The following TC2N variants were observed in gnomAD, a reference collection of about 807,000 sequenced individuals.
TC2N encodes the protein tandem C2 domains nuclear protein.
A neutral mutation model predicts 61.9 loss-of-function variants in TC2N; 51 were observed. The observed-to-expected ratio is 0.82, with a 90% confidence interval of 0.66 to 1.04. TC2N has a LOEUF of 1.04. TC2N is among the 50% of genes least tolerant of loss of function. The pLI, the probability that TC2N is intolerant of heterozygous loss-of-function variation, is 0.00. For synonymous variants in TC2N, 204 were observed against 192.6 expected, an observed-to-expected ratio of 1.06 and a Z score of -0.49; for missense variants, 556 against 566.7, an observed-to-expected ratio of 0.98 and a Z score of 0.19.
intron 1 of TC2N, among the ~76,000 whole-genome samples, chr14:91,865,367 TG>T (rs1296506387): frequency 0.016 from 2,228 of 142,104 alleles, 42 homozygotes; most frequent in African/African-American, 0.056. Context: ...TGGAGCCTCT[TG>T]GTTTTTTTTT....
intron 1 of TC2N, among the ~76,000 whole-genome samples, chr14:91,828,484 C>A (rs1162584437): frequency 6.6e-6 from 1 of 151,886 alleles, no homozygotes; most frequent in South Asian, 2.1e-4. Context: ...TATTATATAT[C>A]TCTTTTTTAA....
chr14:91,781,043 T>A lies in TC2N; in HGVS notation c.*2057A>T, dbSNP rs1353210592. On this transcript the variant is annotated 3_prime_UTR_variant, in exon 12 of 12. Transcript: ENST00000435962. ...TCATAGCTTTCCCTTAAATTATACA[T>A]CATACATACATTGTAAGAATATAGA... 6.6e-6 allele frequency: 1 copy of A among 152,076 alleles called. No individual in the cohort carries two copies. Among genetic ancestry groups the A allele is most frequent in the African/African-American group, 2.4e-5 (1 of 41,430 alleles). The allele number at this position is 152,076 out of a possible 1,614,324, so 9.4% of individuals were successfully genotyped here.
At chr14:91,863,797 G>A (rs773092882) in intron 1 of TC2N, among the ~76,000 whole-genome samples, 1 of 132,462 alleles carries the variant, frequency 7.5e-6, no homozygotes, top group Non-Finnish European at 1.6e-5. Flanking sequence ...ATCAGCCTGG[G>A]CAAAAAAGCG....
intron 2 of TC2N, among the ~76,000 whole-genome samples, chr14:91,812,845 T>C (rs1050570078): frequency 2.0e-5 from 3 of 151,842 alleles, no homozygotes; most frequent in African/African-American, 7.2e-5. Context: ...TAGTCAGTTA[T>C]ATAGTGCTTT....
At chr14:91,858,267 C>T (rs1888524809) in intron 1 of TC2N, among the ~76,000 whole-genome samples, 1 of 149,082 alleles carries the variant, frequency 6.7e-6, no homozygotes, top group Non-Finnish European at 1.5e-5. Flanking sequence ...GCTGAGATTA[C>T]AGGCGTGAGC....
chr14:91,785,237 CT>C lies in TC2N; in HGVS notation c.1286del (p.Gln429ArgfsTer18). ...TGAGAAAAACAATTTCTTTTTCACT[CT>C]GTATAAGTGGAAAAATCATAGTCTC... Reference protein sequence around the residue: ...WGETMIFPLIQSEKEIVFLIK... With the variant: ...WGETMIFPLIXSEKEIVFLIK... On this transcript the variant is annotated frameshift_variant, in exon 11 of 12. Transcript: ENST00000435962. LOFTEE classifies it high-confidence loss of function. 1.9e-6 allele frequency: 3 copies of C among 1,613,146 alleles called. No individual in the cohort carries two copies. Among genetic ancestry groups the C allele is most frequent in the Non-Finnish European group, 2.5e-6 (3 of 1,179,268 alleles).
chr14:91,854,396 TGAG>T (rs1266755945), intron 1 of TC2N, among the ~76,000 whole-genome samples: 50 of 112,192 alleles, frequency 4.5e-4, no homozygotes, highest in East Asian at 3.5e-3. Context: ...ACACATAAGA[TGAG>T]GAGGAGGAGG....
At chr14:91,822,645 A>G (rs1014526422) in intron 1 of TC2N, among the ~76,000 whole-genome samples, 2 of 151,738 alleles carry the variant, frequency 1.3e-5, no homozygotes, top group Non-Finnish European at 2.9e-5. Context: ...TGAAGCACAG[A>G]GAGGGACAGA....
intron 2 of TC2N, among the ~76,000 whole-genome samples, chr14:91,813,218 G>C (rs186449021): frequency 1.3e-5 from 2 of 151,880 alleles, no homozygotes; most frequent in Admixed American, 1.3e-4. Context: ...CTTAATAAAT[G>C]TGAGTCTTCA....
At chr14:91,806,937 GC>G (rs1340276271) in intron 3 of TC2N, among the ~76,000 whole-genome samples, 2 of 152,170 alleles carry the variant, frequency 1.3e-5, no homozygotes, top group African/African-American at 4.8e-5. Context: ...CAGGCCCAGG[GC>G]CCCCCTGTTG....
At chr14:91,823,840 T>C (rs541649595) in intron 1 of TC2N, among the ~76,000 whole-genome samples, 194 of 152,298 alleles carry the variant, frequency 1.3e-3, no homozygotes, top group African/African-American at 4.5e-3. Flanking sequence ...CTATATGACC[T>C]TAAATCTGTT....
intron 1 of TC2N, among the ~76,000 whole-genome samples, chr14:91,855,589 T>C (rs1361050839): frequency 6.6e-6 from 1 of 152,250 alleles, no homozygotes; most frequent in Non-Finnish European, 1.5e-5. Flanking sequence ...TTATCTTAAC[T>C]TGACTAATTA....
chr14:91,810,975 G>A (rs995818683), intron 3 of TC2N, among the ~76,000 whole-genome samples: 1 of 151,886 alleles, frequency 6.6e-6, no homozygotes, highest in African/African-American at 2.4e-5. Flanking sequence ...AAAAATATTT[G>A]GACAAATATT....
At chr14:91,809,228 T>C (rs1886658600) in intron 3 of TC2N, among the ~76,000 whole-genome samples, 1 of 152,046 alleles carries the variant, frequency 6.6e-6, no homozygotes, top group African/African-American at 2.4e-5. Flanking sequence ...CTGGCCAACA[T>C]GATGAAACCC....
At chr14:91,862,357 A>G (rs1394976114) in intron 1 of TC2N, among the ~76,000 whole-genome samples, 1 of 150,438 alleles carries the variant, frequency 6.6e-6, no homozygotes, top group Admixed American at 6.6e-5. Context: ...AAAAAAAAAA[A>G]AGAAAGAGAA....
chr14:91,787,683 C>A (rs1595219888), intron 9 of TC2N, 56 bp from the exon 10 acceptor site: 11 of 1,025,720 alleles, frequency 1.1e-5, no homozygotes, highest in East Asian at 5.1e-5. Flanking sequence ...TGAAACAATT[C>A]AAAAATTAAA....
intron 1 of TC2N, among the ~76,000 whole-genome samples, chr14:91,849,229 A>G (rs1888326396): frequency 6.6e-6 from 1 of 152,112 alleles, no homozygotes; most frequent in African/African-American, 2.4e-5. Flanking sequence ...TCACTTCCCC[A>G]GTAAGAGTTG....
At chr14:91,788,334 A>G (rs1309944682) in intron 9 of TC2N, among the ~76,000 whole-genome samples, 5 of 152,246 alleles carry the variant, frequency 3.3e-5, no homozygotes, top group African/African-American at 1.2e-4. Flanking sequence ...GTGAAATACA[A>G]CACAAGCCAG....
chr14:91,789,620 A>C (rs1271827640), intron 9 of TC2N, among the ~76,000 whole-genome samples: 5 of 148,192 alleles, frequency 3.4e-5, no homozygotes, highest in Non-Finnish European at 7.4e-5. Flanking sequence ...CAAAAACAAA[A>C]AACAAAAAAA....
Sources: gnomAD v4.1 joint callset for allele counts (sites outside exome capture counted in the v4.1 genomes callset) on GRCh38, gnomAD v4.1.1 for gene constraint, MANE v1.5 for transcripts, NCBI Gene and HGNC (gene_info 2026-07-23, HGNC 2026-07-21) for gene names.